The following PCDHA11 variants were observed in gnomAD, a reference collection of about 807,000 sequenced individuals.
PCDHA11 encodes protocadherin alpha-11.
A neutral mutation model predicts 70.3 loss-of-function variants in PCDHA11; 61 were observed. The observed-to-expected ratio is 0.87, with a 90% CI of 0.71 to 1.07. PCDHA11 has a LOEUF of 1.07. Ranked by LOEUF, PCDHA11 falls within the 50% of genes least tolerant of loss-of-function variation. PCDHA11 has a pLI of 0.00. For missense variants in PCDHA11, 1,324 were observed against 1,237.5 expected, an observed-to-expected ratio of 1.07 and a Z score of -1.05; for synonymous variants, 633 against 555.1, an observed-to-expected ratio of 1.14 and a Z score of -1.97.
chr5:140,902,465 T>C (rs535908878), intron 1 of PCDHA11, among the ~76,000 whole-genome samples: 4 of 152,280 alleles, frequency 2.6e-5, no homozygotes, highest in Non-Finnish European at 4.4e-5. Flanking sequence ...AGAAAAGGCT[T>C]TGAGTTTTTG....
At chr5:140,883,871 G>A (rs1554180366) in intron 1 of PCDHA11, 2 of 1,613,242 alleles carry the variant, frequency 1.2e-6, no homozygotes, top group African/African-American at 2.7e-5. Context: ...GCAGTTCCAG[G>A]TGAGCGCGCG....
At chr5:140,939,965 C>T (rs565275285) in intron 1 of PCDHA11, among the ~76,000 whole-genome samples, 1 of 152,100 alleles carries the variant, frequency 6.6e-6, no homozygotes, top group African/African-American at 2.4e-5. Context: ...TAAAGTGTTC[C>T]ACGATGAATA....
intron 1 of PCDHA11, among the ~76,000 whole-genome samples, chr5:140,954,333 G>C (rs1554221356): frequency 1.3e-5 from 2 of 152,140 alleles, no homozygotes; most frequent in African/African-American, 4.8e-5. Flanking sequence ...TGGTATTTCT[G>C]CCTCTAGATC....
At chr5:140,910,099 T>G (rs1554194123) in intron 1 of PCDHA11, among the ~76,000 whole-genome samples, 1 of 152,230 alleles carries the variant, frequency 6.6e-6, no homozygotes, top group African/African-American at 2.4e-5. Context: ...CAGCCTCCCC[T>G]TCATTTAAGG....
intron 1 of PCDHA11, chr5:140,926,648 G>A (rs1319870606): frequency 2.5e-5 from 12 of 475,704 alleles, no homozygotes; most frequent in Non-Finnish European, 3.5e-6. Context: ...CACCCGGCCG[G>A]CTCCGCTTTC....
intron 1 of PCDHA11, among the ~76,000 whole-genome samples, chr5:140,917,252 C>T (rs536856521): frequency 3.2e-4 from 47 of 149,018 alleles, no homozygotes; most frequent in Non-Finnish European, 4.9e-4. Flanking sequence ...TACGATTGCT[C>T]ACCTGATGTT....
rs781815387 is a variant in PCDHA11, at chr5:140,978,983, C to A, written c.2426C>A (p.Ala809Asp). The part of the protein sequence containing the change: ...RQPNPDWRYS[A>D]SLRAGMHSSV... Reference sequence around the variant, plus strand: ...CCCAACCCTGACTGGCGTTACTCTGCCTCCCTGAGAGCAGGCATGCACAGG... The same window carrying A: ...CCCAACCCTGACTGGCGTTACTCTGACTCCCTGAGAGCAGGCATGCACAGG... Residue 809 changes from alanine (A) to aspartate (D), a missense_variant, in exon 2 of 4, where the codon GCC (alanine) becomes GAC (aspartate). By Grantham distance (126) the Ala-to-Asp change is moderately radical. Transcript: ENST00000398640. 1.6e-5 allele frequency: 26 copies of A among 1,614,142 alleles called. No homozygotes were observed. Among genetic ancestry groups the A allele is most frequent in the Non-Finnish European group, 2.2e-5 (26 of 1,180,024 alleles).
chr5:140,889,120 T>G (rs1335268200), intron 1 of PCDHA11, among the ~76,000 whole-genome samples: 1 of 151,966 alleles, frequency 6.6e-6, no homozygotes, highest in Non-Finnish European at 1.5e-5. Context: ...CAGGTGATAC[T>G]GATATGTCCT....
rs1439259875 is a variant in PCDHA11 at position 141,011,882 on chromosome 5, GATTA to G, written c.*1950_*1953del. On this transcript the variant is annotated 3_prime_UTR_variant, in exon 4 of 4. Coordinates refer to ENST00000398640, the MANE Select transcript of PCDHA11 (RefSeq NM_018902.5). ...GTTATAATGTACAATTTAGAAGTTTGATTAATTATATTATCTATTTAGGCATTAA... is the reference window on the plus strand; with the variant it reads ...GTTATAATGTACAATTTAGAAGTTTGATTATATTATCTATTTAGGCATTAA... 2.0e-5 allele frequency: 3 copies of G among 153,360 alleles called. No homozygotes were observed. Among genetic ancestry groups the G allele is most frequent in the Non-Finnish European group, 4.4e-5 (3 of 68,010 alleles). 9.5% of individuals were successfully genotyped at this position (153,360 alleles called of 1,614,324 possible).
chr5:140,995,893 A>T (rs1038677586), intron 3 of PCDHA11, among the ~76,000 whole-genome samples: 1 of 152,182 alleles, frequency 6.6e-6, no homozygotes, highest in Non-Finnish European at 1.5e-5. Flanking sequence ...AGATTTATCA[A>T]TGTATAAAAG....
At chr5:140,990,705 G>A (rs2097408066) in intron 3 of PCDHA11, among the ~76,000 whole-genome samples, 1 of 152,132 alleles carries the variant, frequency 6.6e-6, no homozygotes, top group Non-Finnish European at 1.5e-5. Flanking sequence ...AGATTTATGG[G>A]GATAAGAGCA....
intron 3 of PCDHA11, among the ~76,000 whole-genome samples, chr5:140,999,657 C>A (rs1257419150): frequency 6.6e-6 from 1 of 152,156 alleles, no homozygotes; most frequent in Non-Finnish European, 1.5e-5. Flanking sequence ...CTGAGCCCTG[C>A]TGGGTTGCGG....
intron 3 of PCDHA11, among the ~76,000 whole-genome samples, chr5:141,000,900 G>A (rs1020896392): frequency 6.6e-6 from 1 of 151,614 alleles, no homozygotes; most frequent in African/African-American, 2.4e-5. Flanking sequence ...AGATATAGAC[G>A]CTGTCTCTAA....
intron 3 of PCDHA11, among the ~76,000 whole-genome samples, chr5:141,004,093 C>T (rs1016954345): frequency 1.3e-5 from 2 of 152,164 alleles, no homozygotes; most frequent in African/African-American, 4.8e-5. Flanking sequence ...GTGCTTCTTC[C>T]GTTTTCATCT....
intron 1 of PCDHA11, chr5:140,884,570 G>A (rs1174925238): frequency 6.2e-7 from 1 of 1,614,074 alleles, no homozygotes; most frequent in Non-Finnish European, 8.5e-7. Flanking sequence ...GCATAAGACG[G>A]ACCTCATGGC....
chr5:140,948,426 G>A (rs1301925814), intron 1 of PCDHA11, among the ~76,000 whole-genome samples: 1 of 151,446 alleles, frequency 6.6e-6, no homozygotes, highest in African/African-American at 2.4e-5. Flanking sequence ...TCTTCCTTCA[G>A]TGAAACATTC....
chr5:140,966,047 T>G (rs1463127286), intron 1 of PCDHA11, among the ~76,000 whole-genome samples: 1 of 152,214 alleles, frequency 6.6e-6, no homozygotes, highest in Admixed American at 6.5e-5. Flanking sequence ...CCATCGCCAG[T>G]AACCCCAGAG....
At chr5:140,936,552 T>C (rs1408956922) in intron 1 of PCDHA11, among the ~76,000 whole-genome samples, 5 of 152,234 alleles carry the variant, frequency 3.3e-5, no homozygotes, top group Admixed American at 3.3e-4. Flanking sequence ...AATGTAGAAG[T>C]CAAGATTTAT....
intron 1 of PCDHA11, among the ~76,000 whole-genome samples, chr5:140,937,273 G>A (rs1165421382): frequency 1.3e-5 from 2 of 151,966 alleles, no homozygotes; most frequent in African/African-American, 2.4e-5. Context: ...TCCTGACCTC[G>A]TGATTCACCC....
Sources: allele counts gnomAD v4.1 joint callset (sites outside exome capture counted in the v4.1 genomes callset), GRCh38; gene constraint gnomAD v4.1.1; transcripts MANE v1.5; gene names NCBI Gene and HGNC (gene_info 2026-07-23, HGNC 2026-07-21).